The following SPHKAP variants were observed in gnomAD, a reference collection of about 807,000 sequenced individuals.
The protein encoded by SPHKAP is SPHK1 interactor, AKAP domain containing.
Under a neutral mutation model 137.5 loss-of-function variants are expected in SPHKAP, and 67 were observed. The ratio of observed to expected loss-of-function variants is 0.49; its 90% CI spans 0.40 to 0.60. The LOEUF is 0.60. SPHKAP is among the 20% of genes least tolerant of loss of function. The pLI is 0.00. For missense variants in SPHKAP, 2,097 were observed against 2,069.3 expected (o/e 1.01, Z -0.26); for synonymous variants, 813 against 785.3 (o/e 1.04, Z -0.59).
At chr2:228,118,246 T>G (rs1304492371) in intron 2 of SPHKAP, among the ~76,000 whole-genome samples, 7 of 65,324 alleles carry the variant, frequency 1.1e-4, no homozygotes, top group African/African-American at 3.4e-4. Context: ...CACAGTTTTT[T>G]TTTTTTTTTT....
At chr2:227,982,293 T>C (rs887985972) in intron 11 of SPHKAP, 7 of 985,206 alleles carry the variant, frequency 7.1e-6, no homozygotes, top group Non-Finnish European at 8.4e-6. Context: ...ATAAATCAAG[T>C]GGTAAACTTT....
intron 1 of SPHKAP, among the ~76,000 whole-genome samples, chr2:228,174,828 C>T (rs1285161764): frequency 6.6e-6 from 1 of 151,832 alleles, no homozygotes; most frequent in African/African-American, 2.4e-5. Flanking sequence ...CATGCAAGCT[C>T]GCATGATTAG....
At chr2:228,100,864 AAG>A (rs1698164385) in intron 3 of SPHKAP, among the ~76,000 whole-genome samples, 1 of 152,104 alleles carries the variant, frequency 6.6e-6, no homozygotes, top group African/African-American at 2.4e-5. Flanking sequence ...GCTACATAGA[AAG>A]AGTTAGGAAG....
At chr2:228,135,294 G>T (rs1267005430) in intron 1 of SPHKAP, among the ~76,000 whole-genome samples, 1 of 90,062 alleles carries the variant, frequency 1.1e-5, no homozygotes, top group Non-Finnish European at 2.4e-5. Context: ...AAAAAAAAAA[G>T]CAAAAAAGCA....
chr2:228,109,147 A>G (rs972566542), intron 2 of SPHKAP, among the ~76,000 whole-genome samples: 2 of 152,210 alleles, frequency 1.3e-5, no homozygotes, highest in Non-Finnish European at 2.9e-5. Context: ...AGAGAAATAC[A>G]TTAATGTTAA....
Position 228,017,761 on chromosome 2 carries a change from G to A in SPHKAP, c.3093C>T (p.Val1031=). The change falls in exon 7 of 12, where the codon GTC becomes GTT. Residue 1031 remains valine, a synonymous_variant. Transcript: ENST00000392056. The stretch of plus-strand genomic sequence containing the variant: ...TGGCAAAAAGATTGACAGAATCTGG[G>A]ACATCTTCAAGGTTCATGGACTCAT... ...VVDESMNLED[V]PDSVNLFANE... The A allele has an allele frequency of 6.2e-7, 1 of 1,614,118 alleles. No homozygotes were observed. Among genetic ancestry groups the A allele is most frequent in the Non-Finnish European group, 8.5e-7 (1 of 1,180,038 alleles).
chr2:228,148,499 C>G (rs895177325), intron 1 of SPHKAP, among the ~76,000 whole-genome samples: 1 of 152,174 alleles, frequency 6.6e-6, no homozygotes, highest in African/African-American at 2.4e-5. Flanking sequence ...AGTTTGCTGT[C>G]TGGCTGAAGT....
intron 2 of SPHKAP, among the ~76,000 whole-genome samples, chr2:228,118,862 A>T (rs1377661818): frequency 2.0e-5 from 3 of 152,176 alleles, no homozygotes; most frequent in African/African-American, 4.8e-5. Context: ...TGGTGCACAA[A>T]ACAAGAATAA....
At chr2:228,076,614 A>C (rs1424168581) in intron 3 of SPHKAP, among the ~76,000 whole-genome samples, 1 of 152,132 alleles carries the variant, frequency 6.6e-6, no homozygotes, top group Non-Finnish European at 1.5e-5. Context: ...CTTGAGGGAG[A>C]TGATTTAGGG....
chr2:228,166,984 A>G (rs13409131), intron 1 of SPHKAP, among the ~76,000 whole-genome samples: 20,521 of 152,024 alleles, frequency 0.13, 1,393 homozygotes, highest in East Asian at 0.2. Flanking sequence ...ATACACTTTC[A>G]CACAACCAGA....
intron 7 of SPHKAP, among the ~76,000 whole-genome samples, chr2:228,012,566 T>C (rs1439363734): frequency 1.3e-5 from 2 of 152,188 alleles, no homozygotes; most frequent in Non-Finnish European, 2.9e-5. Flanking sequence ...TGTACAATAA[T>C]ATTTTTTTGA....
At chr2:228,122,514 C>T (rs1196727656) in intron 2 of SPHKAP, among the ~76,000 whole-genome samples, 1 of 152,154 alleles carries the variant, frequency 6.6e-6, no homozygotes, top group African/African-American at 2.4e-5. Context: ...GAATAAGAAG[C>T]TGAATTGTAT....
chr2:228,077,581 A>T (rs144628568), intron 3 of SPHKAP, among the ~76,000 whole-genome samples: 1,529 of 152,278 alleles, frequency 0.01, 41 homozygotes, highest in African/African-American at 0.035. Context: ...CAATTTCTCC[A>T]GTTTGGAATG....
At chr2:228,066,119 A>G (rs1696821346) in intron 3 of SPHKAP, among the ~76,000 whole-genome samples, 1 of 152,228 alleles carries the variant, frequency 6.6e-6, no homozygotes, top group Non-Finnish European at 1.5e-5. Flanking sequence ...CTAAGAGCCA[A>G]GCAAAACCCT....
At chr2:228,016,384 T>G in intron 7 of SPHKAP, 22 bp downstream of exon 7, 1 of 1,550,114 alleles carries the variant, frequency 6.5e-7, no homozygotes, top group Non-Finnish European at 8.7e-7. Context: ...GCACCCTATG[T>G]AGTCTGAGAC....
chr2:227,996,580 C>T (rs1693647762), intron 7 of SPHKAP, among the ~76,000 whole-genome samples: 1 of 152,180 alleles, frequency 6.6e-6, no homozygotes, highest in Admixed American at 6.5e-5. Flanking sequence ...GTCTGGATCC[C>T]AGCCAGGACC....
chr2:228,106,617 G>A (rs770407478), intron 3 of SPHKAP, among the ~76,000 whole-genome samples: 8 of 152,086 alleles, frequency 5.3e-5, no homozygotes, highest in Non-Finnish European at 8.8e-5. Context: ...GTTTTGAAAA[G>A]GAATTAAGTC....
intron 3 of SPHKAP, among the ~76,000 whole-genome samples, chr2:228,050,252 T>G (rs1022182764): frequency 1.3e-5 from 2 of 152,172 alleles, no homozygotes; most frequent in South Asian, 2.1e-4. Context: ...AATACATTAA[T>G]TCAGCCACTG....
intron 3 of SPHKAP, among the ~76,000 whole-genome samples, chr2:228,074,978 G>C (rs1363573361): frequency 2.0e-5 from 3 of 151,994 alleles, no homozygotes; most frequent in Non-Finnish European, 2.9e-5. Context: ...AGGAGGAGGA[G>C]GAAAAAGAGA....
Sources: allele counts gnomAD v4.1 joint callset (sites outside exome capture counted in the v4.1 genomes callset), GRCh38; gene constraint gnomAD v4.1.1; transcripts MANE v1.5; gene names NCBI Gene and HGNC (gene_info 2026-07-23, HGNC 2026-07-21).